The following CA10 variants were observed in gnomAD, a reference collection of about 807,000 sequenced individuals.
CA10 encodes carbonic anhydrase 10 (inactive).
Under a neutral mutation model 44.2 loss-of-function variants are expected in CA10, and 14 were observed. The observed-to-expected ratio is 0.32, with a 90% CI of 0.21 to 0.50. The LOEUF (loss-of-function observed/expected upper bound fraction) is 0.50, where lower values mean the gene tolerates loss of function less well. Ranked by LOEUF, CA10 falls within the 20% of genes least tolerant of loss-of-function variation. The pLI, the probability that CA10 is intolerant of heterozygous loss-of-function variation, is 0.99. For missense variants in CA10, 350 were observed against 409.7 expected, an observed-to-expected ratio of 0.85 and a Z score of 1.26; for synonymous variants, 159 against 141.6, an observed-to-expected ratio of 1.12 and a Z score of -0.87.
chr17:51,724,786 G>A (rs961653596), intron 4 of CA10, among the ~76,000 whole-genome samples: 4 of 152,158 alleles, frequency 2.6e-5, no homozygotes, highest in Non-Finnish European at 5.9e-5. Context: ...AAGACCCAGG[G>A]AAAATTCCAT....
At chr17:52,052,287 G>T (rs1356585392) in intron 2 of CA10, among the ~76,000 whole-genome samples, 3 of 63,332 alleles carry the variant, frequency 4.7e-5, no homozygotes, top group African/African-American at 6.8e-5. Flanking sequence ...GAACTTAAAA[G>T]GCTTTTTTTT....
chr17:51,858,175 T>C (rs953888685), intron 3 of CA10, among the ~76,000 whole-genome samples: 1 of 152,158 alleles, frequency 6.6e-6, no homozygotes, highest in Non-Finnish European at 1.5e-5. Flanking sequence ...GCACCTGGAA[T>C]CTTCCACTTG....
intron 1 of CA10, among the ~76,000 whole-genome samples, chr17:52,135,782 CTG>C (rs1432960176): frequency 6.6e-6 from 1 of 152,186 alleles, no homozygotes; most frequent in Non-Finnish European, 1.5e-5. Context: ...ATTCTCCACT[CTG>C]TAGCTGGAGG....
At chr17:51,953,526 G>T (rs1983561008) in intron 2 of CA10, among the ~76,000 whole-genome samples, 1 of 151,234 alleles carries the variant, frequency 6.6e-6, no homozygotes, top group Non-Finnish European at 1.5e-5. Context: ...ATTGGGAATT[G>T]CAATACGTTT....
At chr17:52,124,705 A>G (rs1272802005) in intron 1 of CA10, among the ~76,000 whole-genome samples, 2 of 152,156 alleles carry the variant, frequency 1.3e-5, no homozygotes, top group Non-Finnish European at 2.9e-5. Context: ...CATGCCTCTA[A>G]GCCTTTGCCT....
chr17:51,769,693 AGT>A (rs1472916154), intron 3 of CA10, among the ~76,000 whole-genome samples: 1 of 152,156 alleles, frequency 6.6e-6, no homozygotes, highest in African/African-American at 2.4e-5. Context: ...CCAGAGAAAA[AGT>A]GTATTCAATA....
intron 4 of CA10, among the ~76,000 whole-genome samples, chr17:51,657,416 C>T (rs1913835585): frequency 6.6e-6 from 1 of 152,132 alleles, no homozygotes; most frequent in African/African-American, 2.4e-5. Context: ...CTTCCCTAGC[C>T]AGGCACAATA....
At chr17:51,939,149 TGA>T (rs1315905828) in intron 2 of CA10, among the ~76,000 whole-genome samples, 1 of 152,100 alleles carries the variant, frequency 6.6e-6, no homozygotes, top group Admixed American at 6.6e-5. Context: ...TATATATATT[TGA>T]GAGGTTCTTT....
At chr17:51,645,874 A>G (rs548310095) in intron 6 of CA10, among the ~76,000 whole-genome samples, 2 of 152,368 alleles carry the variant, frequency 1.3e-5, no homozygotes, top group Non-Finnish European at 2.9e-5. Flanking sequence ...GAGCTTGGCC[A>G]TATGGCTTGC....
At chr17:51,700,332 C>T (rs1185990405) in intron 4 of CA10, among the ~76,000 whole-genome samples, 2 of 152,166 alleles carry the variant, frequency 1.3e-5, no homozygotes, top group African/African-American at 4.8e-5. Flanking sequence ...CTCACAGACC[C>T]TCCCAAAGCT....
chr17:52,080,453 AAAATAAATAAATAAAT>A lies in CA10; in HGVS notation c.62-8076_62-8061del, dbSNP rs71357869. On this transcript the variant is annotated intron_variant, in intron 1 of 8. Coordinates refer to ENST00000451037, the MANE Select transcript of CA10 (RefSeq NM_020178.5). ...GGTGACAGAGCGAGACTCCATCTCAAAAATAAATAAATAAATAAATAAATAAATAAATAAATAAATA... is the reference window on the plus strand; with the variant it reads ...GGTGACAGAGCGAGACTCCATCTCAAAAATAAATAAATAAATAAATAAATA... 9.5e-3 allele frequency among the ~76,000 whole-genome samples: 1,314 copies of A among 138,020 alleles called. 13 individuals are homozygous for A. The highest frequency in any genetic ancestry group is 0.03 in the African/African-American group (1,135 of 37,326). 90.5% of individuals were successfully genotyped at this position (138,020 alleles called of 152,430 possible).
chr17:52,092,486 C>G (rs1178953417), intron 1 of CA10, among the ~76,000 whole-genome samples: 2 of 152,144 alleles, frequency 1.3e-5, no homozygotes. Flanking sequence ...CGGAGTAACA[C>G]CCTTCTTAGT....
rs10719126 is a variant in CA10 at position 52,055,346 on chromosome 17, G to GA, written c.136+16972dup. ...CTCATCACTCATATATCCTTCTGGT[G>GA]AAAAAAAAAAAAAAAACAAAGCAAA... On this transcript the variant is annotated intron_variant, in intron 2 of 8. Coordinates refer to ENST00000451037, the MANE Select transcript of CA10 (RefSeq NM_020178.5). Among the ~76,000 whole-genome samples, 972 of 122,780 alleles carry GA rather than the reference G, an allele frequency of 7.9e-3. 15 individuals carry two copies. The highest frequency in any genetic ancestry group is 0.027 in the African/African-American group (915 of 33,902). 80.5% of individuals were successfully genotyped at this position (122,780 alleles called of 152,430 possible). A position where few individuals can be genotyped will look rare whatever the true frequency, so the allele number is the denominator to read the frequency against.
At chr17:51,797,622 G>A (rs894216225) in intron 3 of CA10, among the ~76,000 whole-genome samples, 2 of 152,108 alleles carry the variant, frequency 1.3e-5, no homozygotes, top group Non-Finnish European at 2.9e-5. Flanking sequence ...TTGGGAAGCT[G>A]AGGCAGGCGG....
At chr17:51,875,462 C>T (rs2096720474) in intron 3 of CA10, among the ~76,000 whole-genome samples, 1 of 152,102 alleles carries the variant, frequency 6.6e-6, no homozygotes, top group Non-Finnish European at 1.5e-5. Context: ...ACTTAAAAGT[C>T]ATTTAAGCTC....
chr17:51,705,965 A>G (rs1320708457), intron 4 of CA10, among the ~76,000 whole-genome samples: 2 of 152,178 alleles, frequency 1.3e-5, no homozygotes, highest in Non-Finnish European at 2.9e-5. Context: ...ACAATCCATA[A>G]TTGTTCCTGA....
At chr17:51,972,641 T>C (rs1460298308) in intron 2 of CA10, among the ~76,000 whole-genome samples, 1 of 152,134 alleles carries the variant, frequency 6.6e-6, no homozygotes, top group Non-Finnish European at 1.5e-5. Context: ...GAGGCCCTTG[T>C]TTGAAAATAT....
intron 4 of CA10, among the ~76,000 whole-genome samples, chr17:51,723,872 G>T (rs1916434146): frequency 6.6e-6 from 1 of 152,112 alleles, no homozygotes. Context: ...CATTAGCTGG[G>T]GCACCACTGC....
chr17:51,745,120 C>A (rs1278504693), intron 4 of CA10, among the ~76,000 whole-genome samples: 1 of 152,172 alleles, frequency 6.6e-6, no homozygotes, highest in South Asian at 2.1e-4. Flanking sequence ...AGCATCCCAG[C>A]CTTGCCATTT....
Sources: gnomAD v4.1 joint callset for allele counts (sites outside exome capture counted in the v4.1 genomes callset) on GRCh38, gnomAD v4.1.1 for gene constraint, MANE v1.5 for transcripts, NCBI Gene and HGNC (gene_info 2026-07-23, HGNC 2026-07-21) for gene names.